UBE2L6: variants seen among roughly 807,000 people sequenced by gnomAD.
UBE2L6 encodes ubiquitin conjugating enzyme E2 L6.
In UBE2L6, 11 loss-of-function variants were observed where a neutral mutation model predicts 13.6. The ratio of observed to expected loss-of-function variants is 0.81; its 90% CI spans 0.51 to 1.34. UBE2L6 has a LOEUF of 1.34. Among genes scored for constraint, UBE2L6 ranks in the 40% most tolerant of loss-of-function variants. The pLI is 0.00. For missense variants in UBE2L6, 197 were observed against 199.5 expected (o/e 0.99, Z 0.07); for synonymous variants, 74 against 83.2 (o/e 0.89, Z 0.60).
chr11:57,552,135 G>A lies in UBE2L6; in HGVS notation c.*223C>T, dbSNP rs1346045348. 3.4e-6 allele frequency: 2 copies of A among 591,428 alleles called. No individual in the cohort carries two copies. The highest frequency in any genetic ancestry group is 3.2e-5 in the Admixed American group (1 of 30,820). 36.6% of individuals were successfully genotyped at this position (591,428 alleles called of 1,614,324 possible). On this transcript the variant is annotated 3_prime_UTR_variant, in exon 4 of 4. Transcript: ENST00000287156. Reference sequence around the variant, plus strand: ...GCTCTGGGGAATGTAAAGGGTGTGGGAAGGGTGCACCTGTGGCCAGGTGAA... The same window carrying A: ...GCTCTGGGGAATGTAAAGGGTGTGGAAAGGGTGCACCTGTGGCCAGGTGAA...
At position 57,564,803 on chromosome 11, in the gene UBE2L6, C is replaced by CA. The variant is rs934759372; in HGVS notation, c.27+2781dup. On this transcript the variant is annotated intron_variant, in intron 1 of 3. Coordinates refer to ENST00000287156, the MANE Select transcript of UBE2L6 (RefSeq NM_004223.5). ...GGGCAACAAGAGCGAAACTCCGTCT[C>CA]AAAAAAAAAAAGAAAGAAAAACACA... is the stretch of plus-strand genomic sequence containing the variant. Among the ~76,000 whole-genome samples, 240 of 121,542 alleles carry CA rather than the reference C, an allele frequency of 2.0e-3. 1 individual carries two copies. The highest frequency in any genetic ancestry group is 6.0e-3 in the African/African-American group (196 of 32,602). 79.7% of individuals were successfully genotyped at this position (121,542 alleles called of 152,430 possible). A position where few individuals can be genotyped will look rare whatever the true frequency, so the allele number is the denominator to read the frequency against.
intron 1 of UBE2L6, among the ~76,000 whole-genome samples, chr11:57,564,494 T>A (rs1454271225): frequency 6.6e-6 from 1 of 152,144 alleles, no homozygotes; most frequent in Non-Finnish European, 1.5e-5. Context: ...TTTAAAAAAA[T>A]TTTAATGAGC....
intron 1 of UBE2L6, chr11:57,566,912 T>G: frequency 2.3e-6 from 1 of 440,866 alleles, no homozygotes; most frequent in Non-Finnish European, 4.6e-6. Context: ...AGGAACAAAA[T>G]TCAACAAGGG....
At chr11:57,554,404 T>C (rs772069898) in intron 3 of UBE2L6, 33 bp downstream of exon 3, 6 of 1,609,190 alleles carry the variant, frequency 3.7e-6, no homozygotes, top group Non-Finnish European at 5.1e-6. Context: ...CTACCCAGTA[T>C]CAGTCCCTCC....
intron 3 of UBE2L6, among the ~76,000 whole-genome samples, chr11:57,553,453 C>T (rs1944974108): frequency 6.6e-6 from 1 of 152,142 alleles, no homozygotes; most frequent in African/African-American, 2.4e-5. Flanking sequence ...AAGATTGCGC[C>T]ACTGAACTAA....
intron 1 of UBE2L6, chr11:57,566,955 C>A (rs1171304065): frequency 1.7e-4 from 35 of 211,482 alleles, no homozygotes; most frequent in South Asian, 4.2e-4. Flanking sequence ...CCGCCCCCCC[C>A]CCCCTCCTAG....
At chr11:57,563,481 C>CAA (rs35614262) in intron 1 of UBE2L6, among the ~76,000 whole-genome samples, 20 of 115,712 alleles carry the variant, frequency 1.7e-4, no homozygotes, top group Admixed American at 6.5e-4. Flanking sequence ...AACTCTGTCT[C>CAA]AAAAAAAAAA....
chr11:57,562,788 C>T (rs1046077062), intron 1 of UBE2L6, among the ~76,000 whole-genome samples: 17 of 152,178 alleles, frequency 1.1e-4, no homozygotes, highest in Admixed American at 2.6e-4. Flanking sequence ...GGAGTGCCCC[C>T]TTATGTAGAC....
Sources: allele counts gnomAD v4.1 joint callset (sites outside exome capture counted in the v4.1 genomes callset), GRCh38; gene constraint gnomAD v4.1.1; transcripts MANE v1.5; gene names NCBI Gene and HGNC (gene_info 2026-07-23, HGNC 2026-07-21).